KCND2: variants seen among roughly 807,000 people sequenced by gnomAD.
The protein encoded by KCND2 is A-type voltage-gated potassium channel KCND2.
KCND2 carries 16 observed loss-of-function variants against 54.4 expected under a neutral mutation model. The observed-to-expected ratio is 0.29, with a 90% confidence interval of 0.20 to 0.45. KCND2 has a LOEUF of 0.45. KCND2 is among the 20% of genes least tolerant of loss of function. The pLI is 1.00. For synonymous variants in KCND2, 317 were observed against 310.7 expected (o/e 1.02, Z -0.21); for missense variants, 486 against 824.2 (o/e 0.59, Z 5.02).
intron 1 of KCND2, among the ~76,000 whole-genome samples, chr7:120,417,153 G>A (rs1397397487): frequency 6.6e-6 from 1 of 152,136 alleles, no homozygotes; most frequent in East Asian, 1.9e-4. Flanking sequence ...AGCCTAGAAA[G>A]CTTACAGATC....
At chr7:120,631,458 T>A (rs538652028) in intron 1 of KCND2, among the ~76,000 whole-genome samples, 1 of 152,110 alleles carries the variant, frequency 6.6e-6, no homozygotes, top group Admixed American at 6.5e-5. Context: ...ATGCGAAAGA[T>A]CACATTAAAA....
chr7:120,733,842 A>G (rs900510989), intron 2 of KCND2, among the ~76,000 whole-genome samples: 1 of 152,164 alleles, frequency 6.6e-6, no homozygotes, highest in African/African-American at 2.4e-5. Context: ...TAATAAGATT[A>G]AGATTATATA....
At chr7:120,569,113 T>C (rs1792332825) in intron 1 of KCND2, among the ~76,000 whole-genome samples, 1 of 152,130 alleles carries the variant, frequency 6.6e-6, no homozygotes, top group South Asian at 2.1e-4. Flanking sequence ...CAAAAACAAG[T>C]ACATTTATCT....
intron 1 of KCND2, among the ~76,000 whole-genome samples, chr7:120,481,530 A>G (rs986827180): frequency 5.9e-5 from 9 of 152,192 alleles, no homozygotes; most frequent in Middle Eastern, 3.4e-3. Context: ...CAGTGAGAGA[A>G]AGACACTGAA....
At chr7:120,584,719 T>C (rs1341472129) in intron 1 of KCND2, among the ~76,000 whole-genome samples, 1 of 152,248 alleles carries the variant, frequency 6.6e-6, no homozygotes, top group African/African-American at 2.4e-5. Flanking sequence ...ATATGTGACA[T>C]TCTGCAGACT....
At chr7:120,417,046 A>G (rs944284050) in intron 1 of KCND2, among the ~76,000 whole-genome samples, 5 of 152,124 alleles carry the variant, frequency 3.3e-5, no homozygotes, top group Non-Finnish European at 7.3e-5. Context: ...GGGCTTCACC[A>G]TGTTGGCCAG....
intron 1 of KCND2, among the ~76,000 whole-genome samples, chr7:120,690,211 T>C (rs1424382921): frequency 6.6e-6 from 1 of 152,210 alleles, no homozygotes; most frequent in Non-Finnish European, 1.5e-5. Flanking sequence ...TATGAAGGGC[T>C]AATATATGAC....
intron 2 of KCND2, among the ~76,000 whole-genome samples, chr7:120,738,153 T>C (rs1792897496): frequency 6.6e-6 from 1 of 152,102 alleles, no homozygotes; most frequent in South Asian, 2.1e-4. Context: ...AAGATTTCTA[T>C]GTCAAATTAG....
intron 1 of KCND2, among the ~76,000 whole-genome samples, chr7:120,606,495 C>T (rs1308821413): frequency 6.6e-6 from 1 of 151,898 alleles, no homozygotes; most frequent in Non-Finnish European, 1.5e-5. Flanking sequence ...TCTTCTATGA[C>T]TTTTATGATT....
chr7:120,743,000 G>A (rs1375235443), intron 4 of KCND2, among the ~76,000 whole-genome samples: 2 of 151,942 alleles, frequency 1.3e-5, no homozygotes, highest in Non-Finnish European at 2.9e-5. Flanking sequence ...AATAGCAATA[G>A]CAATAACAAA....
intron 1 of KCND2, among the ~76,000 whole-genome samples, chr7:120,492,783 T>A (rs572535002): frequency 3.9e-5 from 6 of 152,230 alleles, no homozygotes; most frequent in African/African-American, 1.2e-4. Context: ...GCCATAAATA[T>A]GCTCAGAACA....
chr7:120,615,717 T>A (rs1478165754), intron 1 of KCND2, among the ~76,000 whole-genome samples: 1 of 152,206 alleles, frequency 6.6e-6, no homozygotes, highest in African/African-American at 2.4e-5. Context: ...ATTCTGCCTG[T>A]GTTAACCAGA....
At chr7:120,423,478 A>G (rs1801657497) in intron 1 of KCND2, among the ~76,000 whole-genome samples, 1 of 152,248 alleles carries the variant, frequency 6.6e-6, no homozygotes, top group Non-Finnish European at 1.5e-5. Context: ...GCTATCTCCC[A>G]AAGTAAGAGC....
intron 1 of KCND2, among the ~76,000 whole-genome samples, chr7:120,723,937 G>A (rs1039507901): frequency 6.6e-6 from 1 of 151,632 alleles, no homozygotes; most frequent in African/African-American, 2.4e-5. Flanking sequence ...GTTATGCTGG[G>A]CATTTTGTCT....
At chr7:120,575,467 C>T (rs1792419460) in intron 1 of KCND2, among the ~76,000 whole-genome samples, 1 of 152,172 alleles carries the variant, frequency 6.6e-6, no homozygotes, top group African/African-American at 2.4e-5. Context: ...AGCTGATTAG[C>T]TGTTCCCACC....
intron 1 of KCND2, among the ~76,000 whole-genome samples, chr7:120,338,971 C>A (rs1465110778): frequency 6.6e-6 from 1 of 152,008 alleles, no homozygotes; most frequent in African/African-American, 2.4e-5. Flanking sequence ...AGCTCCACCT[C>A]CCGAGTTCAC....
chr7:120,698,626 A>G (rs1792361433), intron 1 of KCND2, among the ~76,000 whole-genome samples: 1 of 152,234 alleles, frequency 6.6e-6, no homozygotes, highest in Admixed American at 6.5e-5. Context: ...TTCATGCACA[A>G]AATCATTCAA....
chr7:120,618,240 T>G (rs990984228), intron 1 of KCND2, among the ~76,000 whole-genome samples: 1 of 152,158 alleles, frequency 6.6e-6, no homozygotes, highest in African/African-American at 2.4e-5. Flanking sequence ...ATAAGTGAAA[T>G]GAGTCAAGTG....
intron 1 of KCND2, among the ~76,000 whole-genome samples, chr7:120,586,983 T>C (rs1792608535): frequency 6.6e-6 from 1 of 152,176 alleles, no homozygotes; most frequent in Non-Finnish European, 1.5e-5. Context: ...ATCTTATTAT[T>C]AAATTAATTT....
Sources: allele counts gnomAD v4.1 joint callset (sites outside exome capture counted in the v4.1 genomes callset), GRCh38; gene constraint gnomAD v4.1.1; transcripts MANE v1.5; gene names NCBI Gene and HGNC (gene_info 2026-07-23, HGNC 2026-07-21).